The following KLK15 variants were observed in gnomAD, a reference collection of about 807,000 sequenced individuals.
KLK15 encodes kallikrein-15.
KLK15 carries 19 observed loss-of-function variants against 21.1 expected under a neutral mutation model. The observed-to-expected ratio is 0.90, with a 90% CI of 0.63 to 1.32. KLK15 has a LOEUF of 1.32. Among genes scored for constraint, KLK15 ranks in the 40% most tolerant of loss-of-function variants. The pLI is 0.00. For missense variants in KLK15, 345 were observed against 348.6 expected (o/e 0.99, Z 0.08); for synonymous variants, 141 against 141.5 (o/e 1.00, Z 0.03).
In KLK15 at chr19:50,825,906, C is replaced by CT; in HGVS notation, c.660_661insA (p.Gly221ArgfsTer7). 6.2e-7 allele frequency: 1 copy of CT among 1,613,966 alleles called. No individual in the cohort carries two copies. Among genetic ancestry groups the CT allele is most frequent in the South Asian group, 1.1e-5 (1 of 91,076 alleles). On this transcript the variant is annotated frameshift_variant, in exon 5 of 5. Coordinates refer to ENST00000598239, the Ensembl canonical transcript of KLK15. LOFTEE classifies it low-confidence loss of function (END_TRUNC). ...GGGACGTCACCCCAGGACACAATGC[C>CT]CTGCAGGATGCCCCCACAGACCAGG...
chr19:50,825,443 G>A (rs1359939186), downstream of KLK15: 1 of 174,924 alleles, frequency 5.7e-6, no homozygotes, highest in Non-Finnish European at 1.2e-5. Context: ...CACACGGGTG[G>A]TCATGTGTGT....
upstream of KLK15, among the ~76,000 whole-genome samples, chr19:50,832,511 C>T (rs1325414690): frequency 6.3e-5 from 9 of 143,136 alleles, no homozygotes; most frequent in African/African-American, 1.0e-4. Flanking sequence ...TTAGTAGAGA[C>T]GGAGTTTCAC....
chr19:50,827,201 C>T (rs1275261176), intron 2 of KLK15, 40 bp from the exon 4 acceptor site: 1 of 1,535,476 alleles, frequency 6.5e-7, no homozygotes, highest in Non-Finnish European at 8.7e-7. Context: ...GGAGTGCGGG[C>T]CAGTGGTTAC....
intron 1 of KLK15, among the ~76,000 whole-genome samples, chr19:50,828,921 G>A (rs2089931706): frequency 7.0e-6 from 1 of 142,414 alleles, no homozygotes; most frequent in Non-Finnish European, 1.5e-5. Flanking sequence ...GTGAGCGGAG[G>A]TTGCTCCATT....
At chr19:50,826,132 A>C in intron 4 of KLK15, 184 bp from the exon 6 acceptor site, 1 of 586,904 alleles carries the variant, frequency 1.7e-6, no homozygotes, top group South Asian at 2.2e-5. Flanking sequence ...CCCCAACCCC[A>C]ATTCAACACA....
chr19:50,832,317 T>TC, upstream of KLK15, among the ~76,000 whole-genome samples: 1 of 99,360 alleles, frequency 1.0e-5, no homozygotes, highest in African/African-American at 3.4e-5. Context: ...TCTTTCTTTT[T>TC]TTTTCTTTTT....
exon 3 of KLK15, chr19:50,826,997 T>G (rs2089891687): frequency 1.2e-6 from 2 of 1,606,128 alleles, no homozygotes; most frequent in Non-Finnish European, 1.7e-6. Flanking sequence ...GGGGCGCACC[T>G]GGGGGTTCAG....
chr19:50,827,780 C>T (rs565198669), exon 2 of KLK15: 5 of 1,611,274 alleles, frequency 3.1e-6, no homozygotes, highest in East Asian at 4.5e-5. Flanking sequence ...GGTGCACACT[C>T]GTCACCTTCC....
chr19:50,826,397 G>C, intron 4 of KLK15: 1 of 503,524 alleles, frequency 2.0e-6, no homozygotes, highest in Non-Finnish European at 3.4e-6. Context: ...CCCAACCCAT[G>C]CCATCTCAAA....
upstream of KLK15, among the ~76,000 whole-genome samples, chr19:50,832,233 G>A (rs553810091): frequency 1.3e-5 from 2 of 151,496 alleles, no homozygotes; most frequent in African/African-American, 4.8e-5. Flanking sequence ...AGCTGGCTGT[G>A]CCCCTCCCCT....
upstream of KLK15, chr19:50,833,130 C>T (rs1194446103): frequency 1.3e-5 from 2 of 152,278 alleles, no homozygotes; most frequent in Non-Finnish European, 2.9e-5. Flanking sequence ...TTTTCTCCAT[C>T]TGGGGGTCTT....
At chr19:50,831,118 A>T in intron 1 of KLK15, 1 of 237,922 alleles carries the variant, frequency 4.2e-6, no homozygotes, top group Non-Finnish European at 8.1e-6. Flanking sequence ...TCTTATAGAG[A>T]AGGCATTCGA....
intron 2 of KLK15, 34 bp downstream of exon 3, chr19:50,827,628 G>T: frequency 6.3e-7 from 1 of 1,597,622 alleles, no homozygotes; most frequent in Non-Finnish European, 8.6e-7. Context: ...CCCGAACCAG[G>T]CTCCCTCAGG....
At chr19:50,828,969 C>CAAA (rs3078002) in intron 1 of KLK15, among the ~76,000 whole-genome samples, 108 of 56,640 alleles carry the variant, frequency 1.9e-3, no homozygotes, top group African/African-American at 2.8e-3. Flanking sequence ...AACTCCATCT[C>CAAA]AAAAAAAAAA....
chr19:50,831,177 G>A lies in KLK15; in HGVS notation c.43+273C>T, dbSNP rs778203030. 48 of 338,438 alleles carry A rather than the reference G, an allele frequency of 1.4e-4. 2 individuals carry two copies. The highest frequency in any genetic ancestry group is 1.2e-3 in the Admixed American group (25 of 20,580). The allele number at this position is 338,438 out of a possible 1,614,324, so 21.0% of individuals were successfully genotyped here. ...CCTCAAGGACACACAGCAAGGAAGC[G>A]GTTGCCCCAGGACTCAGCTCAGGTT... is the stretch of plus-strand genomic sequence containing the variant. On this transcript the variant is annotated intron_variant, in intron 1 of 4. Transcript: ENST00000598239.
rs143488632 is a variant in KLK15, at chr19:50,825,819, T to C, written c.748A>G (p.Arg250Gly). Residue 250 changes from arginine (R) to glycine (G), a missense_variant, in exon 5 of 5, where the codon AGG (arginine) becomes GGG (glycine). By Grantham distance (125) the Arg-to-Gly change is moderately radical. Coordinates refer to ENST00000598239, the Ensembl canonical transcript of KLK15. ...AGTCAGTTCCTCTTCATGGTTTCCC[T>C]GATCCACTCCAAGTAGTGGCAGACT... is the stretch of plus-strand genomic sequence containing the variant. 8 of 1,613,888 alleles carry C rather than the reference T, an allele frequency of 5.0e-6. No homozygotes were observed. The highest frequency in any genetic ancestry group is 6.8e-6 in the Non-Finnish European group (8 of 1,179,938).
intron 4 of KLK15, 66 bp from the exon 6 acceptor site, chr19:50,826,014 C>T: frequency 2.7e-6 from 4 of 1,487,396 alleles, no homozygotes; most frequent in Non-Finnish European, 2.7e-6. Context: ...TCCTAATCAC[C>T]ATTTGCAATC....
intron 1 of KLK15, 37 bp from the exon 3 acceptor site, chr19:50,827,852 C>A: frequency 6.3e-7 from 1 of 1,597,392 alleles, no homozygotes; most frequent in Non-Finnish European, 8.6e-7. Flanking sequence ...AGGACAGGGA[C>A]GTTTACATTG....
chr19:50,831,325 G>A (rs2089981646), intron 1 of KLK15, 125 bp downstream of exon 2: 1 of 650,204 alleles, frequency 1.5e-6, no homozygotes, highest in Non-Finnish European at 2.4e-6. Context: ...CACAGGTGGA[G>A]GGTGAAGGAA....
Sources: allele counts gnomAD v4.1 joint callset (sites outside exome capture counted in the v4.1 genomes callset), GRCh38; gene constraint gnomAD v4.1.1; transcripts MANE v1.5; gene names NCBI Gene and HGNC (gene_info 2026-07-23, HGNC 2026-07-21).